ALK: variants seen among roughly 807,000 people sequenced by gnomAD.
ALK encodes the protein ALK receptor tyrosine kinase.
A neutral mutation model predicts 163.1 loss-of-function variants in ALK; 74 were observed. The ratio of observed to expected loss-of-function variants is 0.45; its 90% confidence interval spans 0.38 to 0.55. The LOEUF is 0.55. Ranked by LOEUF, ALK falls within the 20% of genes least tolerant of loss-of-function variation. The pLI is 0.00. For missense variants in ALK, 2,063 were observed against 2,105.3 expected (o/e 0.98, Z 0.39); for synonymous variants, 960 against 843.2 (o/e 1.14, Z -2.40).
intron 25 of ALK, chr2:29,207,949 TGTGA>T (rs1248657092): frequency 7.1e-6 from 3 of 420,462 alleles, no homozygotes; most frequent in Non-Finnish European, 5.0e-6. Flanking sequence ...TGTTCTCCTG[TGTGA>T]GTGTGTTACA....
intron 3 of ALK, among the ~76,000 whole-genome samples, chr2:29,675,924 C>T (rs1381155143): frequency 1.3e-5 from 2 of 151,932 alleles, no homozygotes; most frequent in African/African-American, 4.8e-5. Flanking sequence ...TGGCACCCCT[C>T]TATATTGACC....
chr2:29,904,004 T>C (rs998570487), intron 1 of ALK, among the ~76,000 whole-genome samples: 1 of 152,170 alleles, frequency 6.6e-6, no homozygotes, highest in African/African-American at 2.4e-5. Context: ...TTTAGGTGAT[T>C]TGCCCAGATT....
chr2:29,432,858 GGTGA>G (rs928228385), intron 4 of ALK, among the ~76,000 whole-genome samples: 10 of 152,062 alleles, frequency 6.6e-5, no homozygotes, highest in African/African-American at 2.2e-4. Context: ...GTGAAGTGGG[GGTGA>G]GTAAGCACTA....
chr2:29,276,382 A>T (rs1665547613), intron 9 of ALK, among the ~76,000 whole-genome samples: 1 of 152,170 alleles, frequency 6.6e-6, no homozygotes, highest in Admixed American at 6.5e-5. Context: ...CATAAACAGG[A>T]AAGTACTTTT....
chr2:29,341,270 G>A (rs1014960434), intron 5 of ALK, among the ~76,000 whole-genome samples: 1 of 152,194 alleles, frequency 6.6e-6, no homozygotes, highest in African/African-American at 2.4e-5. Context: ...CCTTCTCTGT[G>A]TCTAAAGAAC....
At chr2:29,213,503 C>T (rs1669516407) in intron 24 of ALK, among the ~76,000 whole-genome samples, 1 of 152,152 alleles carries the variant, frequency 6.6e-6, no homozygotes, top group African/African-American at 2.4e-5. Flanking sequence ...ATAAGGAGCC[C>T]AGTTTTCTAT....
At chr2:29,608,932 T>C (rs533609156) in intron 3 of ALK, among the ~76,000 whole-genome samples, 2 of 152,244 alleles carry the variant, frequency 1.3e-5, no homozygotes, top group African/African-American at 4.8e-5. Flanking sequence ...AGTTTTGTTT[T>C]GTTTTGTTTT....
At chr2:29,666,835 AC>A (rs1323405635) in intron 3 of ALK, among the ~76,000 whole-genome samples, 1 of 151,760 alleles carries the variant, frequency 6.6e-6, no homozygotes, top group Non-Finnish European at 1.5e-5. Context: ...CTTCCCCTTC[AC>A]CCCCCTTCTC....
At chr2:29,207,038 TGTC>T (rs1218398044) in intron 26 of ALK, 130 bp downstream of exon 26, 1 of 738,102 alleles carries the variant, frequency 1.4e-6, no homozygotes, top group Admixed American at 2.0e-5. Context: ...GAACCACTGT[TGTC>T]GGGTGTATTG....
chr2:29,393,555 C>CT (rs1669231137), intron 4 of ALK, among the ~76,000 whole-genome samples: 6 of 152,210 alleles, frequency 3.9e-5, no homozygotes, highest in Non-Finnish European at 8.8e-5. Context: ...CTGGATCATC[C>CT]CCTTTCTGTC....
intron 26 of ALK, among the ~76,000 whole-genome samples, chr2:29,199,890 C>CAAT (rs746357815): frequency 1.3e-5 from 2 of 152,080 alleles, no homozygotes; most frequent in African/African-American, 2.4e-5. Flanking sequence ...TTGTAGAGAA[C>CAAT]AATAGTTCCT....
At position 29,207,151 on chromosome 2, in the gene ALK, G is replaced by A. The variant is rs1382035632; in HGVS notation, c.3938+20C>T. The A allele has an allele frequency of 1.3e-6, 2 of 1,592,068 alleles. No homozygotes were observed. Among genetic ancestry groups the A allele is most frequent in the Non-Finnish European group, 1.7e-6 (2 of 1,160,108 alleles). On this transcript the variant is annotated intron_variant, in intron 26 of 28. Coordinates refer to ENST00000389048, the MANE Select transcript of ALK (RefSeq NM_004304.5). ...CACCTTATGGCTGCAGGGATACCTGGAGGATGATGGCTGACTTACCATGTG... is the reference window on the plus strand; with the variant it reads ...CACCTTATGGCTGCAGGGATACCTGAAGGATGATGGCTGACTTACCATGTG...
rs773780435 is a variant in ALK at position 29,193,442 on chromosome 2, T to G, written c.4645A>C (p.Arg1549=). 3.1e-6 allele frequency: 5 copies of G among 1,614,148 alleles called. No homozygotes were observed. The highest frequency in any genetic ancestry group is 4.2e-6 in the Non-Finnish European group (5 of 1,180,024). ...CTVPPNVATG[R]LPGASLLLEP... is the part of the protein sequence containing the mutation. ...AGGAGCAGTGAGGCCCCCGGAAGTC[T>G]CCCAGTTGCAACGTTAGGTGGGACA... The change falls in exon 29 of 29, where the codon AGA becomes CGA. Residue 1549 remains arginine (R), a synonymous_variant. Coordinates refer to ENST00000389048, the MANE Select transcript of ALK (RefSeq NM_004304.5).
intron 3 of ALK, among the ~76,000 whole-genome samples, chr2:29,572,271 G>T (rs1165986397): frequency 6.6e-6 from 1 of 152,232 alleles, no homozygotes; most frequent in Non-Finnish European, 1.5e-5. Context: ...AGGCATATTT[G>T]TGGAGAGGTC....
chr2:29,636,640 C>G (rs1165601208), intron 3 of ALK, among the ~76,000 whole-genome samples: 1 of 152,100 alleles, frequency 6.6e-6, no homozygotes, highest in Non-Finnish European at 1.5e-5. Flanking sequence ...CAAAAAGATC[C>G]TGTTTATAGG....
intron 4 of ALK, among the ~76,000 whole-genome samples, chr2:29,452,622 G>A (rs1304483087): frequency 6.6e-6 from 1 of 152,128 alleles, no homozygotes; most frequent in East Asian, 1.9e-4. Flanking sequence ...TAGTCTCAAA[G>A]TATCTCCCCA....
At chr2:29,354,781 T>TG (rs1325019353) in intron 5 of ALK, among the ~76,000 whole-genome samples, 1 of 150,978 alleles carries the variant, frequency 6.6e-6, no homozygotes, top group East Asian at 1.9e-4. Flanking sequence ...TTTTTTTTTT[T>TG]TTTGAGATGG....
chr2:29,820,757 CTTAACTAAT>C (rs1218208269), intron 1 of ALK, among the ~76,000 whole-genome samples: 1 of 152,184 alleles, frequency 6.6e-6, no homozygotes, highest in African/African-American at 2.4e-5. Context: ...ACCTGAGTCC[CTTAACTAAT>C]CTTCCTCTTA....
At chr2:29,412,042 A>G (rs1669737027) in intron 4 of ALK, among the ~76,000 whole-genome samples, 1 of 152,190 alleles carries the variant, frequency 6.6e-6, no homozygotes, top group South Asian at 2.1e-4. Context: ...AGCTTCAGCA[A>G]TAGCCTGTCC....
Sources: gnomAD v4.1 joint callset for allele counts (sites outside exome capture counted in the v4.1 genomes callset) on GRCh38, gnomAD v4.1.1 for gene constraint, MANE v1.5 for transcripts, NCBI Gene and HGNC (gene_info 2026-07-23, HGNC 2026-07-21) for gene names.